CNTNAP5: variants seen among roughly 807,000 people sequenced by gnomAD.
CNTNAP5 encodes the protein contactin associated protein family member 5.
Under a neutral mutation model 150.2 loss-of-function variants are expected in CNTNAP5, and 72 were observed. The observed-to-expected ratio is 0.48, with a 90% CI of 0.40 to 0.58. The LOEUF (loss-of-function observed/expected upper bound fraction) is 0.58, where lower values mean the gene tolerates loss of function less well. CNTNAP5 is among the 20% of genes least tolerant of loss of function. The pLI is 0.00. For synonymous variants in CNTNAP5, 672 were observed against 619.8 expected, an observed-to-expected ratio of 1.08 and a Z score of -1.25; for missense variants, 1,636 against 1,626.2, an observed-to-expected ratio of 1.01 and a Z score of -0.10.
chr2:124,660,043 A>AAGGAAGGAAGG (rs1558724333), intron 13 of CNTNAP5, among the ~76,000 whole-genome samples: 2 of 130,838 alleles, frequency 1.5e-5, no homozygotes, highest in Admixed American at 7.9e-5. Flanking sequence ...AGGAAGGAAG[A>AAGGAAGGAAGG]AAGGAAGGAA....
At chr2:124,673,132 G>A (rs1678857268) in intron 13 of CNTNAP5, among the ~76,000 whole-genome samples, 1 of 152,038 alleles carries the variant, frequency 6.6e-6, no homozygotes, top group Non-Finnish European at 1.5e-5. Context: ...AGTAAACCTG[G>A]CAAATAATAC....
At chr2:124,377,741 C>T (rs1407572891) in intron 3 of CNTNAP5, among the ~76,000 whole-genome samples, 1 of 149,372 alleles carries the variant, frequency 6.7e-6, no homozygotes, top group Non-Finnish European at 1.5e-5. Flanking sequence ...TAATGCAAAT[C>T]CCTGGGGGAA....
intron 19 of CNTNAP5, among the ~76,000 whole-genome samples, chr2:124,840,734 C>G (rs184532369): frequency 5.3e-5 from 8 of 152,156 alleles, no homozygotes; most frequent in Admixed American, 2.0e-4. Flanking sequence ...GCTAGTTACA[C>G]GATTTGTTAA....
chr2:124,372,171 C>T (rs1228104348), intron 3 of CNTNAP5, among the ~76,000 whole-genome samples: 1 of 152,048 alleles, frequency 6.6e-6, no homozygotes, highest in Non-Finnish European at 1.5e-5. Context: ...TTTTCATCTC[C>T]TGCCCTTGGA....
At chr2:124,787,686 C>T (rs12471531) in intron 17 of CNTNAP5, among the ~76,000 whole-genome samples, 12,089 of 151,966 alleles carry the variant, frequency 0.08, 620 homozygotes, top group East Asian at 0.14. Flanking sequence ...TATTTCCTTG[C>T]TTTCCTCAAA....
At chr2:124,413,305 T>G (rs962930286) in intron 3 of CNTNAP5, among the ~76,000 whole-genome samples, 2 of 151,464 alleles carry the variant, frequency 1.3e-5, no homozygotes, top group Non-Finnish European at 2.9e-5. Context: ...AGTTCAACCA[T>G]TGTGGAAGTC....
intron 13 of CNTNAP5, among the ~76,000 whole-genome samples, chr2:124,664,017 T>A (rs964089471): frequency 6.6e-6 from 1 of 152,076 alleles, no homozygotes; most frequent in African/African-American, 2.4e-5. Context: ...AGTAACTGGG[T>A]CATATTTATT....
chr2:124,289,646 G>A (rs990168813), intron 3 of CNTNAP5, among the ~76,000 whole-genome samples: 1 of 152,136 alleles, frequency 6.6e-6, no homozygotes, highest in South Asian at 2.1e-4. Context: ...GGCCTTCAAT[G>A]TATATTTTTT....
chr2:124,544,780 C>A (rs1014823583), intron 10 of CNTNAP5, among the ~76,000 whole-genome samples: 1 of 152,130 alleles, frequency 6.6e-6, no homozygotes, highest in Non-Finnish European at 1.5e-5. Context: ...AGTTCAGCAG[C>A]GGACTGCACC....
intron 13 of CNTNAP5, 77 bp from the exon 14 acceptor site, chr2:124,747,152 C>T (rs1328759330): frequency 7.2e-7 from 1 of 1,388,902 alleles, no homozygotes; most frequent in African/African-American, 1.4e-5. Flanking sequence ...AAGATATTTT[C>T]AGCTCAGTTT....
chr2:124,387,625 C>T (rs949177367), intron 3 of CNTNAP5, among the ~76,000 whole-genome samples: 1 of 152,016 alleles, frequency 6.6e-6, no homozygotes. Flanking sequence ...TTACAAAGTA[C>T]CTTCTTAAGG....
intron 3 of CNTNAP5, among the ~76,000 whole-genome samples, chr2:124,393,601 C>T (rs1003343358): frequency 2.0e-5 from 3 of 152,226 alleles, no homozygotes; most frequent in African/African-American, 7.2e-5. Flanking sequence ...CTGCTTCACC[C>T]ATAGTATGAC....
At chr2:124,485,136 G>A (rs997190152) in intron 7 of CNTNAP5, among the ~76,000 whole-genome samples, 14 of 152,066 alleles carry the variant, frequency 9.2e-5, no homozygotes, top group African/African-American at 2.7e-4. Flanking sequence ...TATAAAAGTG[G>A]CTTTCTAGTA....
intron 1 of CNTNAP5, among the ~76,000 whole-genome samples, chr2:124,164,468 A>G (rs1309591803): frequency 6.6e-6 from 1 of 152,214 alleles, no homozygotes; most frequent in Non-Finnish European, 1.5e-5. Context: ...ACTCTGTTTT[A>G]TATGTATATA....
intron 13 of CNTNAP5, among the ~76,000 whole-genome samples, chr2:124,689,803 G>A (rs1558736561): frequency 2.6e-5 from 4 of 152,002 alleles, no homozygotes; most frequent in Admixed American, 2.6e-4. Flanking sequence ...GTCTTGCTGT[G>A]AGCAGAAGTA....
chr2:124,794,732 A>G (rs1458556469), intron 18 of CNTNAP5, among the ~76,000 whole-genome samples: 1 of 152,170 alleles, frequency 6.6e-6, no homozygotes, highest in African/African-American at 2.4e-5. Flanking sequence ...TAACTTCAAC[A>G]GTTACAAACT....
intron 13 of CNTNAP5, among the ~76,000 whole-genome samples, chr2:124,676,708 G>A (rs535340482): frequency 2.0e-4 from 30 of 152,274 alleles, no homozygotes; most frequent in African/African-American, 5.1e-4. Flanking sequence ...GTTGGTTTTC[G>A]AGGCTGCCAT....
intron 6 of CNTNAP5, among the ~76,000 whole-genome samples, chr2:124,469,704 C>T (rs139461895): frequency 2.0e-5 from 3 of 152,092 alleles, no homozygotes; most frequent in African/African-American, 7.2e-5. Flanking sequence ...CATCCATTAG[C>T]TATTCTTCCT....
intron 3 of CNTNAP5, among the ~76,000 whole-genome samples, chr2:124,380,692 C>T (rs754469357): frequency 6.6e-6 from 1 of 152,134 alleles, no homozygotes; most frequent in Admixed American, 6.5e-5. Flanking sequence ...CCCTCCCCTA[C>T]CTCCACTCTC....
Sources: allele counts gnomAD v4.1 joint callset (sites outside exome capture counted in the v4.1 genomes callset), GRCh38; gene constraint gnomAD v4.1.1; transcripts MANE v1.5; gene names NCBI Gene and HGNC (gene_info 2026-07-23, HGNC 2026-07-21).